DLEC1: variants seen among roughly 807,000 people sequenced by gnomAD.
DLEC1 encodes the protein deleted in lung and esophageal cancer protein 1.
In DLEC1, 146 loss-of-function variants were observed where a neutral mutation model predicts 198.1. That is an observed-to-expected ratio of 0.74 (90% CI 0.64 to 0.85). The LOEUF (loss-of-function observed/expected upper bound fraction) is 0.85. Ranked by LOEUF, DLEC1 falls within the 40% of genes least tolerant of loss-of-function variation. The pLI is 0.00. For synonymous variants in DLEC1, 897 were observed against 866.8 expected, an observed-to-expected ratio of 1.03 and a Z score of -0.61; for missense variants, 2,233 against 2,220.0, an observed-to-expected ratio of 1.01 and a Z score of -0.12.
intron 6 of DLEC1, among the ~76,000 whole-genome samples, chr3:38,067,063 G>A (rs1461052722): frequency 6.6e-6 from 1 of 152,226 alleles, no homozygotes; most frequent in Non-Finnish European, 1.5e-5. Flanking sequence ...TGCTGTGGAA[G>A]CCTGTGCTCA....
Position 38,112,824 on chromosome 3 carries a change from T to C in DLEC1, c.3666+463T>C, listed in dbSNP as rs1699960558. Among the ~76,000 whole-genome samples, 1 of 152,148 alleles carries C rather than the reference T, an allele frequency of 6.6e-6. No individual in the cohort carries two copies. Among genetic ancestry groups the C allele is most frequent in the Non-Finnish European group, 1.5e-5 (1 of 68,020 alleles). Reference sequence around the variant, plus strand: ...TATCTACTGTGTGTGGGTTCCTGTGTGGGCCGCTGTAGTGTGGAGGATACA... The same window carrying C: ...TATCTACTGTGTGTGGGTTCCTGTGCGGGCCGCTGTAGTGTGGAGGATACA... On this transcript the variant is annotated intron_variant, in intron 25 of 36. Transcript: ENST00000308059. This position sits in a 1 kb window ranked among gnomAD's most constrained non-coding sequence, Gnocchi z 4.8.
At chr3:38,078,576 G>A (rs755703620) in intron 6 of DLEC1, among the ~76,000 whole-genome samples, 1 of 152,150 alleles carries the variant, frequency 6.6e-6, no homozygotes, top group East Asian at 1.9e-4. Context: ...GAATTATGCC[G>A]AGATAGGTAA....
At chr3:38,075,337 T>C (rs9865675) in intron 6 of DLEC1, among the ~76,000 whole-genome samples, 53,655 of 151,940 alleles carry the variant, frequency 0.35, 9,941 homozygotes, top group East Asian at 0.55. Context: ...ATGGAGAAAT[T>C]GAAAGTGCCA....
intron 2 of DLEC1, 67 bp downstream of exon 2, chr3:38,045,760 C>A: frequency 6.7e-7 from 1 of 1,484,594 alleles, no homozygotes; most frequent in South Asian, 1.3e-5. Flanking sequence ...TGTGTTTGCT[C>A]CATTGCCCAC....
intron 1 of DLEC1, among the ~76,000 whole-genome samples, chr3:38,041,719 G>A (rs1452555832): frequency 1.3e-5 from 2 of 151,642 alleles, no homozygotes; most frequent in African/African-American, 4.8e-5. Flanking sequence ...GTGGTGGTGT[G>A]TGACTGTAAT....
intron 2 of DLEC1, among the ~76,000 whole-genome samples, chr3:38,054,669 A>C (rs1355223607): frequency 1.1e-4 from 16 of 152,238 alleles, no homozygotes. Context: ...TGCTGTAAGC[A>C]CAGCCCTGAG....
At chr3:38,089,918 T>A (rs1000022673) in intron 10 of DLEC1, among the ~76,000 whole-genome samples, 64 of 152,164 alleles carry the variant, frequency 4.2e-4, no homozygotes, top group African/African-American at 1.4e-3. Context: ...GTGGCTCAGG[T>A]CTGTACTCCT....
intron 8 of DLEC1, 22 bp downstream of exon 8, chr3:38,085,469 C>T (rs1559432338): frequency 6.2e-7 from 1 of 1,611,984 alleles, no homozygotes; most frequent in East Asian, 2.2e-5. Flanking sequence ...CCGTAGCTTC[C>T]CACAGATTCA....
chr3:38,076,170 A>T (rs1171267494), intron 6 of DLEC1, among the ~76,000 whole-genome samples: 1 of 152,184 alleles, frequency 6.6e-6, no homozygotes, highest in Non-Finnish European at 1.5e-5. Context: ...AAGGAGAAAG[A>T]GGTTGAGGGA....
chr3:38,116,870 G>T lies in DLEC1; in HGVS notation c.4160G>T (p.Cys1387Phe). The change falls in exon 29 of 37, where the codon TGT becomes TTT. Residue 1387 changes from cysteine (C) to phenylalanine (F), a missense_variant. Coordinates refer to ENST00000308059, the MANE Select transcript of DLEC1 (RefSeq NM_007335.4). ...GGGGTGCCCTCCGGCCACCTGTACTGTATCAGCCCCAAGCAGGTGGTGAGT... is the reference window on the plus strand; with the variant it reads ...GGGGTGCCCTCCGGCCACCTGTACTTTATCAGCCCCAAGCAGGTGGTGAGT... ...HEGVPSGHLYCISPKQVVVPA... is the reference protein window; with the variant it reads ...HEGVPSGHLYFISPKQVVVPA... 1 of 1,613,538 alleles carries T rather than the reference G, an allele frequency of 6.2e-7. No homozygotes were observed. The highest frequency in any genetic ancestry group is 8.5e-7 in the Non-Finnish European group (1 of 1,179,760).
chr3:38,049,266 A>C (rs2125583448), intron 2 of DLEC1, among the ~76,000 whole-genome samples: 1 of 152,300 alleles, frequency 6.6e-6, no homozygotes, highest in Non-Finnish European at 1.5e-5. Context: ...AGAAGTAGAC[A>C]CACTAATCCA....
rs771368739 is a variant in DLEC1, at chr3:38,093,590, A to G, written c.1757-15A>G. 9.3e-6 allele frequency: 15 copies of G among 1,613,648 alleles called. No individual in the cohort carries two copies. Among genetic ancestry groups the G allele is most frequent in the Middle Eastern group, 1.6e-4 (1 of 6,082 alleles). The stretch of plus-strand genomic sequence containing the variant: ...TAGTGAGCCTTCACTGACTTCACTT[A>G]CTCTACTTTGGCAGGAATTGGGCAG... On this transcript the variant is annotated splice_polypyrimidine_tract_variant and intron_variant, in intron 11 of 36. Transcript: ENST00000308059.
intron 6 of DLEC1, among the ~76,000 whole-genome samples, chr3:38,068,039 C>T (rs556843223): frequency 6.6e-6 from 1 of 152,170 alleles, no homozygotes; most frequent in Non-Finnish European, 1.5e-5. Flanking sequence ...CAGGCGTGAG[C>T]CATTGTACCT....
At chr3:38,085,554 C>T in intron 8 of DLEC1, 107 bp downstream of exon 8, 1 of 1,401,340 alleles carries the variant, frequency 7.1e-7, no homozygotes, top group African/African-American at 1.4e-5. Context: ...GCTTGGCTCT[C>T]TTGGGCAGGG....
Position 38,122,669 on chromosome 3 carries a change from C to A in DLEC1, c.*257C>A. 7.0e-7 allele frequency: 1 copy of A among 1,438,460 alleles called. No individual in the cohort carries two copies. The highest frequency in any genetic ancestry group is 9.1e-7 in the Non-Finnish European group (1 of 1,096,418). The allele number at this position is 1,438,460 out of a possible 1,614,324, so 89.1% of individuals were successfully genotyped here. A position where few individuals can be genotyped will look rare whatever the true frequency, so the allele number is the denominator to read the frequency against. On this transcript the variant is annotated 3_prime_UTR_variant, in exon 37 of 37. Transcript: ENST00000308059. The stretch of plus-strand genomic sequence containing the variant: ...ATCACTACTCAGTGCATAGCGAAGA[C>A]CAGTATGGCAAAATTAGTCTTGGAA...
chr3:38,116,919 T>C (rs200486784), intron 29 of DLEC1, 30 bp downstream of exon 29: 1,408 of 1,612,156 alleles, frequency 8.7e-4, no homozygotes, highest in Non-Finnish European at 1.1e-3. Flanking sequence ...GGGAGCTGTC[T>C]GCATTGGCCG....
rs748167040 is a variant in DLEC1 at position 38,114,997 on chromosome 3, T to G, written c.3800T>G (p.Val1267Gly). 6.2e-7 allele frequency: 1 copy of G among 1,613,468 alleles called. No homozygotes were observed. Among genetic ancestry groups the G allele is most frequent in the Non-Finnish European group, 8.5e-7 (1 of 1,179,702 alleles). Reference sequence around the variant, plus strand: ...TCCCCCTCCAGGTTCGGCACCCAGGTCTCCGGAGGAGACACAGTTACCCGA... The same window carrying G: ...TCCCCCTCCAGGTTCGGCACCCAGGGCTCCGGAGGAGACACAGTTACCCGA... ...KEPAMRFGTQ[V>G]SGGDTVTRTL... The change falls in exon 27 of 37, where the codon GTC becomes GGC. Residue 1267 changes from valine (V) to glycine (G), a missense_variant. Physicochemically the swap from Val to Gly is moderately radical, Grantham distance 109. Transcript: ENST00000308059.
At chr3:38,057,744 T>C (rs1452917135) in intron 2 of DLEC1, among the ~76,000 whole-genome samples, 1 of 152,046 alleles carries the variant, frequency 6.6e-6, no homozygotes, top group Non-Finnish European at 1.5e-5. Context: ...ATGATCTTTC[T>C]AGAGTGGGAC....
At chr3:38,059,673 G>T in intron 2 of DLEC1, 69 bp from the exon 3 acceptor site, 1 of 1,325,692 alleles carries the variant, frequency 7.5e-7, no homozygotes, top group Non-Finnish European at 1.1e-6. Context: ...GATGAAGAAA[G>T]TTTGGGTGTG....
Sources: gnomAD v4.1 joint callset for allele counts (sites outside exome capture counted in the v4.1 genomes callset) on GRCh38, gnomAD v4.1.1 for gene constraint, Gnocchi (gnomAD v3.1) non-coding constraint, MANE v1.5 for transcripts, NCBI Gene and HGNC (gene_info 2026-07-23, HGNC 2026-07-21) for gene names.